AAK1: variants seen among roughly 807,000 people sequenced by gnomAD.
AAK1 encodes AP2 associated kinase 1, also known as AP2-associated protein kinase 1.
AAK1 carries 37 observed loss-of-function variants against 116.0 expected under a neutral mutation model. That is an observed-to-expected ratio of 0.32 (90% CI 0.25 to 0.42). AAK1 has a LOEUF of 0.42. AAK1 is among the 10% of genes least tolerant of loss of function. The pLI is 1.00. For missense variants in AAK1, 919 were observed against 1,170.6 expected (o/e 0.79, Z 3.14); for synonymous variants, 458 against 439.9 (o/e 1.04, Z -0.51).
chr2:69,612,000 A>G (rs994084029), intron 2 of AAK1, among the ~76,000 whole-genome samples: 1 of 152,174 alleles, frequency 6.6e-6, no homozygotes, highest in Non-Finnish European at 1.5e-5. Context: ...TTGGGGGAGA[A>G]AGGGAATAGG....
chr2:69,522,889 C>T (rs1669852261), intron 10 of AAK1, among the ~76,000 whole-genome samples: 1 of 152,120 alleles, frequency 6.6e-6, no homozygotes, highest in South Asian at 2.1e-4. Flanking sequence ...GCACAACCTC[C>T]ATGTTGATCA....
At chr2:69,535,297 C>T (rs980276674) in intron 5 of AAK1, among the ~76,000 whole-genome samples, 6 of 152,194 alleles carry the variant, frequency 3.9e-5, no homozygotes, top group African/African-American at 1.4e-4. Flanking sequence ...TTACACATTG[C>T]ATACCAGTAT....
At chr2:69,480,713 G>C in intron 19 of AAK1, 147 bp downstream of exon 19, 1 of 578,352 alleles carries the variant, frequency 1.7e-6, no homozygotes. Flanking sequence ...TCTAGAAGCC[G>C]GGGCTGTGAC....
intron 2 of AAK1, among the ~76,000 whole-genome samples, chr2:69,560,645 A>AT (rs201310365): frequency 5.9e-5 from 9 of 151,972 alleles, no homozygotes; most frequent in Admixed American, 2.0e-4. Flanking sequence ...AATATGTAGG[A>AT]TTTTTTTTTA....
chr2:69,599,352 T>C (rs1264397912), intron 2 of AAK1, among the ~76,000 whole-genome samples: 1 of 144,544 alleles, frequency 6.9e-6, no homozygotes, highest in African/African-American at 2.6e-5. Flanking sequence ...TGTGGATTAC[T>C]AATTTAAAAA....
chr2:69,604,203 A>G (rs1264755805), intron 2 of AAK1, among the ~76,000 whole-genome samples: 2 of 152,234 alleles, frequency 1.3e-5, no homozygotes, highest in Non-Finnish European at 2.9e-5. Context: ...ATCAAATATT[A>G]AAAATTAATC....
At chr2:69,611,078 G>A (rs1182531493) in intron 2 of AAK1, among the ~76,000 whole-genome samples, 2 of 152,190 alleles carry the variant, frequency 1.3e-5, no homozygotes, top group African/African-American at 4.8e-5. Flanking sequence ...GGGATGCCTA[G>A]ATGGCTGGTG....
At position 69,623,957 on chromosome 2, in the gene AAK1, C is replaced by G. The variant is rs533250602; in HGVS notation, c.163+18921G>C. Among the ~76,000 whole-genome samples the G allele has an allele frequency of 2.6e-5, 4 of 151,934 alleles. No individual in the cohort carries two copies. In the South Asian group the frequency reaches 8.3e-4, roughly 32 times the overall value. On this transcript the variant is annotated intron_variant, in intron 2 of 21. Transcript: ENST00000409085. Reference sequence around the variant, plus strand: ...ATTAAGTCATTAAGAAACAAGTGCCCTAACCGGAATATAAGTAAAGGAACA... The same window carrying G: ...ATTAAGTCATTAAGAAACAAGTGCCGTAACCGGAATATAAGTAAAGGAACA...
intron 2 of AAK1, among the ~76,000 whole-genome samples, chr2:69,574,241 C>T (rs1672205450): frequency 6.6e-6 from 1 of 151,404 alleles, no homozygotes; most frequent in African/African-American, 2.4e-5. Flanking sequence ...TATAGTGGTG[C>T]ACACCTGTAA....
At chr2:69,582,895 C>A (rs1672606416) in intron 2 of AAK1, among the ~76,000 whole-genome samples, 1 of 152,196 alleles carries the variant, frequency 6.6e-6, no homozygotes, top group Admixed American at 6.5e-5. Context: ...AGTTAAGACA[C>A]CAGTGAGAGC....
chr2:69,593,334 T>C (rs922549990), intron 2 of AAK1, among the ~76,000 whole-genome samples: 4 of 152,192 alleles, frequency 2.6e-5, no homozygotes, highest in African/African-American at 4.8e-5. Context: ...CTCAGTGATA[T>C]GGAAAAATGT....
Position 69,467,659 on chromosome 2 carries a change from T to G in AAK1, c.*8210A>C. The G allele has an allele frequency of 1.0e-6, 1 of 985,398 alleles. No homozygotes were observed. Among genetic ancestry groups the G allele is most frequent in the Non-Finnish European group, 1.2e-6 (1 of 829,922 alleles). 61.0% of individuals were successfully genotyped at this position (985,398 alleles called of 1,614,324 possible). On this transcript the variant is annotated 3_prime_UTR_variant, in exon 22 of 22. Transcript: ENST00000409085. Reference sequence around the variant, plus strand: ...CCCAGAACCTCTGTAGAGATGGAACTCAATGATCCCCTTCCCATACTGACC... The same window carrying G: ...CCCAGAACCTCTGTAGAGATGGAACGCAATGATCCCCTTCCCATACTGACC...
At chr2:69,617,338 A>C (rs554348412) in intron 2 of AAK1, among the ~76,000 whole-genome samples, 1 of 152,318 alleles carries the variant, frequency 6.6e-6, no homozygotes, top group Non-Finnish European at 1.5e-5. Context: ...AAGACCCCAC[A>C]AGCTTGAGAG....
intron 12 of AAK1, among the ~76,000 whole-genome samples, chr2:69,515,516 GAC>G (rs1676546300): frequency 6.6e-6 from 1 of 151,900 alleles, no homozygotes; most frequent in Admixed American, 6.6e-5. Context: ...TTTTTGTAGA[GAC>G]ACAGTCTCAC....
intron 9 of AAK1, among the ~76,000 whole-genome samples, chr2:69,525,760 A>C (rs896822234): frequency 6.6e-6 from 1 of 152,192 alleles, no homozygotes; most frequent in African/African-American, 2.4e-5. Context: ...AGTGCTTACC[A>C]CTACTGAGTA....
At chr2:69,537,796 G>A (rs893258652) in intron 5 of AAK1, among the ~76,000 whole-genome samples, 8 of 152,144 alleles carry the variant, frequency 5.3e-5, no homozygotes, top group East Asian at 1.9e-4. Flanking sequence ...AAAATCTAAC[G>A]TGCTAATGAA....
intron 2 of AAK1, among the ~76,000 whole-genome samples, chr2:69,629,645 G>A (rs1341095454): frequency 6.6e-6 from 1 of 152,218 alleles, no homozygotes; most frequent in Non-Finnish European, 1.5e-5. Flanking sequence ...AGGGAGGTTT[G>A]TATATCTCAA....
At chr2:69,638,313 C>T (rs953220501) in intron 2 of AAK1, among the ~76,000 whole-genome samples, 2 of 152,206 alleles carry the variant, frequency 1.3e-5, no homozygotes, top group African/African-American at 2.4e-5. Flanking sequence ...TCATACCTTT[C>T]GGTAACACTG....
chr2:69,528,508 A>G (rs1337103279), intron 8 of AAK1, among the ~76,000 whole-genome samples: 1 of 152,208 alleles, frequency 6.6e-6, no homozygotes, highest in Non-Finnish European at 1.5e-5. Context: ...AGAAACTCCA[A>G]AAAAGGAATA....
Sources: gnomAD v4.1 joint callset for allele counts (sites outside exome capture counted in the v4.1 genomes callset) on GRCh38, gnomAD v4.1.1 for gene constraint, MANE v1.5 for transcripts, NCBI Gene and HGNC (gene_info 2026-07-23, HGNC 2026-07-21) for gene names.